TENM2: variants seen among roughly 807,000 people sequenced by gnomAD.
TENM2 encodes the protein teneurin transmembrane protein 2.
A neutral mutation model predicts 245.2 loss-of-function variants in TENM2; 52 were observed. That is an observed-to-expected ratio of 0.21 (90% CI 0.17 to 0.27). TENM2 has a LOEUF of 0.27. Ranked by LOEUF, TENM2 falls within the 10% of genes least tolerant of loss-of-function variation. TENM2 has a pLI of 1.00. For synonymous variants in TENM2, 1,363 were observed against 1,438.9 expected (o/e 0.95, Z 1.19); for missense variants, 3,046 against 3,666.8 (o/e 0.83, Z 4.37).
chr5:167,531,405 T>C (rs2127593198), intron 2 of TENM2, among the ~76,000 whole-genome samples: 1 of 152,332 alleles, frequency 6.6e-6, no homozygotes, highest in Non-Finnish European at 1.5e-5. Context: ...ATTTGCAATG[T>C]ATAGCTGTGT....
At chr5:167,615,394 T>G (rs1777728819) in intron 2 of TENM2, among the ~76,000 whole-genome samples, 1 of 152,118 alleles carries the variant, frequency 6.6e-6, no homozygotes, top group Non-Finnish European at 1.5e-5. Context: ...TTTATTTCAT[T>G]TTGTGTTTAA....
chr5:167,822,526 GTTTAA>G (rs1407072820), intron 2 of TENM2, among the ~76,000 whole-genome samples: 1 of 152,152 alleles, frequency 6.6e-6, no homozygotes, highest in East Asian at 1.9e-4. Context: ...AACATTTCAT[GTTTAA>G]TTTAATGAAA....
At chr5:167,596,795 CAAA>C (rs35609546) in intron 2 of TENM2, among the ~76,000 whole-genome samples, 15 of 131,784 alleles carry the variant, frequency 1.1e-4, no homozygotes, top group Admixed American at 1.5e-4. Flanking sequence ...GATTCTGCCT[CAAA>C]AAAAAAAAAA....
chr5:167,389,232 A>C (rs1427598970), intron 2 of TENM2, among the ~76,000 whole-genome samples: 2 of 145,010 alleles, frequency 1.4e-5, no homozygotes, highest in Non-Finnish European at 3.0e-5. Flanking sequence ...ATGTGCGTAT[A>C]TATATAGTGC....
In TENM2 at chr5:168,114,774, C is replaced by T. The variant is rs116214683; in HGVS notation, c.1814-3518C>T. 7.6e-3 allele frequency among the ~76,000 whole-genome samples: 1,160 copies of T among 152,316 alleles called. 7 individuals are homozygous for T. Among genetic ancestry groups the T allele is most frequent in the African/African-American group, 0.027 (1,116 of 41,560 alleles). ...CAGTGTTTTTGCATTTTTTACCACACTCCCAGTGAGCACGCGGCAAACCCT... is the reference window on the plus strand; with the variant it reads ...CAGTGTTTTTGCATTTTTTACCACATTCCCAGTGAGCACGCGGCAAACCCT... On this transcript the variant is annotated intron_variant, in intron 9 of 28. Coordinates refer to ENST00000518659, the Ensembl canonical transcript of TENM2.
At chr5:167,914,350 C>T (rs1049594211) in intron 3 of TENM2, among the ~76,000 whole-genome samples, 1 of 152,198 alleles carries the variant, frequency 6.6e-6, no homozygotes, top group African/African-American at 2.4e-5. Context: ...CGCCTGCATT[C>T]CTTGGCTCAT....
intron 2 of TENM2, among the ~76,000 whole-genome samples, chr5:167,765,709 A>G (rs779211796): frequency 1.3e-5 from 2 of 152,170 alleles, no homozygotes; most frequent in Non-Finnish European, 2.9e-5. Flanking sequence ...AATTGATCCC[A>G]TTGTTATTGA....
chr5:167,128,521 T>C, the TENM2 span, among the ~76,000 whole-genome samples: 2 of 151,944 alleles, frequency 1.3e-5, no homozygotes, highest in Non-Finnish European at 2.9e-5. Flanking sequence ...AGATCTCACT[T>C]TGGGAACCAC....
chr5:167,989,382 G>A (rs1427806503), intron 4 of TENM2, among the ~76,000 whole-genome samples: 2 of 152,118 alleles, frequency 1.3e-5, no homozygotes, highest in Non-Finnish European at 2.9e-5. Context: ...AGGTGGATAG[G>A]AGTTAGCTAG....
At chr5:167,014,416 A>C in the TENM2 span, among the ~76,000 whole-genome samples, 1 of 152,002 alleles carries the variant, frequency 6.6e-6, no homozygotes, top group Admixed American at 6.5e-5. Context: ...TTCTTTTCCT[A>C]ACTATATTGT....
the TENM2 span, among the ~76,000 whole-genome samples, chr5:166,991,742 TAC>T: frequency 6.6e-6 from 1 of 152,156 alleles, no homozygotes; most frequent in Non-Finnish European, 1.5e-5. Flanking sequence ...TTGCATCTGA[TAC>T]ACACAAAGCA....
chr5:168,034,056 T>TATATATATGTGTATATATATGTATAC (rs1562076993), intron 5 of TENM2, among the ~76,000 whole-genome samples: 23 of 146,026 alleles, frequency 1.6e-4, no homozygotes, highest in African/African-American at 5.3e-4. Flanking sequence ...TGTGTATATA[T>TATATATATGTGTATATATATGTATAC]ATATATATGT....
the TENM2 span, among the ~76,000 whole-genome samples, chr5:167,118,709 A>G: frequency 9.2e-5 from 14 of 152,316 alleles, no homozygotes; most frequent in South Asian, 2.7e-3. Flanking sequence ...CATGAGTATC[A>G]ATGCTGCTTA....
intron 2 of TENM2, among the ~76,000 whole-genome samples, chr5:167,837,942 C>T (rs920068300): frequency 1.3e-5 from 2 of 152,188 alleles, no homozygotes; most frequent in Admixed American, 6.5e-5. Context: ...CTTCCCAGGG[C>T]CCCTTCATCC....
At position 167,384,063 on chromosome 5, in the gene TENM2, C is replaced by A. The variant is rs146743044; in HGVS notation, c.502+8590C>A. On this transcript the variant is annotated intron_variant, in intron 2 of 28. Transcript: ENST00000518659. The stretch of plus-strand genomic sequence containing the variant: ...TTGGTTGTCTTTGTATTGGTAATGA[C>A]CGTATGTGCTAATGATACCTAACTA... Among the ~76,000 whole-genome samples, 723 of 152,172 alleles carry A rather than the reference C, an allele frequency of 4.8e-3. 4 individuals are homozygous for A. Among genetic ancestry groups the A allele is most frequent in the Middle Eastern group, 0.024 (7 of 294 alleles).
chr5:168,154,130 C>T (rs1409093147), intron 12 of TENM2, among the ~76,000 whole-genome samples: 1 of 93,650 alleles, frequency 1.1e-5, no homozygotes, highest in Non-Finnish European at 2.1e-5. Context: ...TCCATTTCCT[C>T]ACATGATCAC....
intron 1 of TENM2, among the ~76,000 whole-genome samples, chr5:167,347,497 T>C (rs1395814727): frequency 6.6e-6 from 1 of 152,178 alleles, no homozygotes; most frequent in African/African-American, 2.4e-5. Flanking sequence ...ACCAAGGAAA[T>C]GAAGTTAAAA....
the TENM2 span, among the ~76,000 whole-genome samples, chr5:167,148,279 G>A: frequency 2.0e-5 from 3 of 152,166 alleles, no homozygotes; most frequent in African/African-American, 7.2e-5. Context: ...ATCACAAAAT[G>A]TGCATACTTT....
In TENM2 at chr5:167,688,927, T is replaced by C. The variant is rs1018221684; in HGVS notation, c.503-187059T>C. Among the ~76,000 whole-genome samples, 9 of 152,246 alleles carry C rather than the reference T, an allele frequency of 5.9e-5. No homozygotes were observed. The South Asian group carries it at 8.3e-4, about 14-fold the overall frequency. Reference sequence around the variant, plus strand: ...ATTAAATGTGGTCATAAGTTTACACTAAATGCTGACAGAACATTTTTTTTT... The same window carrying C: ...ATTAAATGTGGTCATAAGTTTACACCAAATGCTGACAGAACATTTTTTTTT... On this transcript the variant is annotated intron_variant, in intron 2 of 28. Transcript: ENST00000518659.
Sources: allele counts gnomAD v4.1 joint callset (sites outside exome capture counted in the v4.1 genomes callset), GRCh38; gene constraint gnomAD v4.1.1; transcripts MANE v1.5; gene names NCBI Gene and HGNC (gene_info 2026-07-23, HGNC 2026-07-21).